SLC6A20: variants seen among roughly 807,000 people sequenced by gnomAD.
SLC6A20 encodes sodium- and chloride-dependent transporter XTRP3.
In SLC6A20, 73 loss-of-function variants were observed where a neutral mutation model predicts 64.3. The ratio of observed to expected loss-of-function variants is 1.14; its 90% CI spans 0.94 to 1.38. SLC6A20 has a LOEUF of 1.38. Among genes scored for constraint, SLC6A20 ranks in the 40% most tolerant of loss-of-function variants. SLC6A20 has a pLI of 0.00. For missense variants in SLC6A20, 725 were observed against 772.8 expected, an observed-to-expected ratio of 0.94 and a Z score of 0.73; for synonymous variants, 347 against 329.6, an observed-to-expected ratio of 1.05 and a Z score of -0.57.
intron 4 of SLC6A20, 93 bp downstream of exon 4, chr3:45,775,668 G>T: frequency 1.6e-6 from 2 of 1,232,176 alleles, no homozygotes; most frequent in Non-Finnish European, 2.3e-6. Context: ...GCACTCCCTT[G>T]GCATTGCCTA....
In SLC6A20 at chr3:45,758,443, C is replaced by T. The variant is rs376427811; in HGVS notation, c.*535G>A. The T allele has an allele frequency of 5.5e-6, 7 of 1,270,684 alleles. No individual in the cohort carries two copies. Among genetic ancestry groups the T allele is most frequent in the East Asian group, 5.8e-5 (1 of 17,258 alleles). The allele number at this position is 1,270,684 out of a possible 1,614,324, so 78.7% of individuals were successfully genotyped here. ...AGACAAAGATCTTCTTTCTTTATAA[C>T]TTGTCATCCTAAGATTTAAAGGGTG... On this transcript the variant is annotated 3_prime_UTR_variant, in exon 11 of 11. Coordinates refer to ENST00000358525, the MANE Select transcript of SLC6A20 (RefSeq NM_020208.4).
chr3:45,785,830 G>T (rs910163585), intron 1 of SLC6A20, among the ~76,000 whole-genome samples: 11 of 152,204 alleles, frequency 7.2e-5, no homozygotes, highest in African/African-American at 2.7e-4. Flanking sequence ...TTGTCCAGTA[G>T]AATGTGGTGT....
chr3:45,776,418 A>G (rs545918108), intron 3 of SLC6A20, among the ~76,000 whole-genome samples: 3 of 152,198 alleles, frequency 2.0e-5, no homozygotes. Flanking sequence ...GAGAGTCCCT[A>G]TTTTTTGGCC....
In SLC6A20 at chr3:45,765,769, C is replaced by T; in HGVS notation, c.1099-28G>A. 1 of 1,612,832 alleles carries T rather than the reference C, an allele frequency of 6.2e-7. No individual in the cohort carries two copies. The highest frequency in any genetic ancestry group is 8.5e-7 in the Non-Finnish European group (1 of 1,179,056). On this transcript the variant is annotated intron_variant, in intron 7 of 10. Transcript: ENST00000358525. The surrounding 1 kb of genome is among the most constrained non-coding windows in gnomAD (Gnocchi z 4.2). ...GCCCAGGGTGAGAAGACACCAGTTA[C>T]ATGCAAGAGGGACTTATAGTCTTAT...
At chr3:45,774,196 G>A (rs1046704523) in intron 4 of SLC6A20, among the ~76,000 whole-genome samples, 2 of 152,214 alleles carry the variant, frequency 1.3e-5, no homozygotes, top group African/African-American at 4.8e-5. Context: ...TAGAGCTGTT[G>A]GGGTACTTTT....
intron 7 of SLC6A20, among the ~76,000 whole-genome samples, chr3:45,766,645 T>C (rs1699781591): frequency 6.6e-6 from 1 of 152,150 alleles, no homozygotes; most frequent in Admixed American, 6.5e-5. Flanking sequence ...TAAGGTTAAA[T>C]TGAGTTATAA....
Position 45,762,946 on chromosome 3 carries a change from G to C in SLC6A20, c.1430C>G (p.Thr477Arg). 1 of 1,614,074 alleles carries C rather than the reference G, an allele frequency of 6.2e-7. No individual in the cohort carries two copies. The highest frequency in any genetic ancestry group is 8.5e-7 in the Non-Finnish European group (1 of 1,180,032). Residue 477 changes from threonine to arginine, a missense_variant, in exon 9 of 11, where the codon ACG becomes AGG. Physicochemically the swap from Thr to Arg is moderately conservative, Grantham distance 71. Coordinates refer to ENST00000358525, the MANE Select transcript of SLC6A20 (RefSeq NM_020208.4). ...LSLLLIVLVE[T>R]IAVCYVYGLR... ...CCCGTACACGTAGCACACGGCAATC[G>C]TCTCCACCAGCACGATGAGCAGCAG...
chr3:45,796,446 C>G lies in SLC6A20; in HGVS notation c.-27G>C. ...GCCCCGGCCTCGGCGCGCTCGGCTC[C>G]GGCTCGGGGGTCCGGCACGGCAGTC... On this transcript the variant is annotated 5_prime_UTR_variant, in exon 1 of 11. Coordinates refer to ENST00000358525, the MANE Select transcript of SLC6A20 (RefSeq NM_020208.4). The G allele has an allele frequency of 6.2e-7, 1 of 1,602,418 alleles. No individual in the cohort carries two copies. Among genetic ancestry groups the G allele is most frequent in the Non-Finnish European group, 8.5e-7 (1 of 1,174,768 alleles).
At chr3:45,768,539 G>C (rs1283051487) in intron 7 of SLC6A20, among the ~76,000 whole-genome samples, 3 of 152,182 alleles carry the variant, frequency 2.0e-5, no homozygotes, top group Non-Finnish European at 4.4e-5. Flanking sequence ...TGAGGGCTGG[G>C]GTTTGTGGGC....
intron 5 of SLC6A20, 39 bp downstream of exon 5, chr3:45,772,466 T>G: frequency 6.4e-7 from 1 of 1,562,808 alleles, no homozygotes; most frequent in African/African-American, 1.4e-5. Flanking sequence ...GCAGGATAAG[T>G]GAGGGGTGCC....
intron 1 of SLC6A20, 100 bp downstream of exon 1, chr3:45,796,199 C>G (rs1700342644): frequency 1.3e-6 from 2 of 1,504,170 alleles, no homozygotes; most frequent in South Asian, 1.3e-5. Flanking sequence ...CTTTCCCGGC[C>G]TCAGTGTGCC....
chr3:45,760,995 G>A (rs1004176038), intron 9 of SLC6A20, among the ~76,000 whole-genome samples: 1 of 152,152 alleles, frequency 6.6e-6, no homozygotes, highest in Non-Finnish European at 1.5e-5. Context: ...TGGGTGTGAC[G>A]TCACCAGCTG....
rs1172766655 is a variant in SLC6A20 at position 45,771,410 on chromosome 3, T to C, written c.742A>G (p.Ile248Val). ...AAGCCCAGGCCAAGTGAGAAGAAGA[T>C]CTGGGTGGCTGCATTGATCCAGGCC... ...PKAWINAATQ[I>V]FFSLGLGFGS... Residue 248 changes from isoleucine to valine, a missense_variant, in exon 6 of 11, where the codon ATC (isoleucine) becomes GTC (valine). Coordinates refer to ENST00000358525, the MANE Select transcript of SLC6A20 (RefSeq NM_020208.4). 1.9e-6 allele frequency: 3 copies of C among 1,614,100 alleles called. No individual in the cohort carries two copies. Among genetic ancestry groups the C allele is most frequent in the Admixed American group, 3.3e-5 (2 of 60,008 alleles).
Position 45,770,319 on chromosome 3 carries a change from C to T in SLC6A20, c.988G>A (p.Ala330Thr). The T allele has an allele frequency of 6.2e-7, 1 of 1,614,182 alleles. No homozygotes were observed. The highest frequency in any genetic ancestry group is 8.5e-7 in the Non-Finnish European group (1 of 1,180,036). ...TFDLEDGFLT[A>T]SNLEQVKGYL... ...CCCTTCACCTGCTCCAGGTTGCTGG[C>T]TGTCAAAAAGCCATCTTCAAGGTCA... The change falls in exon 7 of 11, where the codon GCC becomes ACC. Residue 330 changes from alanine to threonine, a missense_variant. By Grantham distance (58) the Ala-to-Thr change is moderately conservative. Transcript: ENST00000358525.
chr3:45,771,119 C>A, intron 6 of SLC6A20, 98 bp downstream of exon 6: 1 of 1,545,034 alleles, frequency 6.5e-7, no homozygotes, highest in Non-Finnish European at 8.8e-7. Flanking sequence ...GGATTGAGGA[C>A]TCCAAAACTG....
At chr3:45,792,583 T>C (rs1352757561) in intron 1 of SLC6A20, among the ~76,000 whole-genome samples, 2 of 152,180 alleles carry the variant, frequency 1.3e-5, no homozygotes, top group Non-Finnish European at 2.9e-5. Flanking sequence ...TCACCCACTT[T>C]ACAGGTAAAC....
intron 2 of SLC6A20, among the ~76,000 whole-genome samples, chr3:45,781,608 C>T (rs947240335): frequency 2.0e-5 from 3 of 152,214 alleles, no homozygotes; most frequent in Admixed American, 6.5e-5. Context: ...ACCCCAGAGA[C>T]ATTAATGGCA....
chr3:45,769,040 AAG>A (rs1699817757), intron 7 of SLC6A20, among the ~76,000 whole-genome samples: 1 of 152,216 alleles, frequency 6.6e-6, no homozygotes, highest in Non-Finnish European at 1.5e-5. Context: ...GAGAATTAAT[AAG>A]AGAATTCATC....
intron 1 of SLC6A20, among the ~76,000 whole-genome samples, chr3:45,787,223 T>C (rs1700184629): frequency 6.6e-6 from 1 of 152,146 alleles, no homozygotes; most frequent in African/African-American, 2.4e-5. Flanking sequence ...CCTCTCTCCA[T>C]CCACTGCAGT....
Sources: gnomAD v4.1 joint callset for allele counts (sites outside exome capture counted in the v4.1 genomes callset) on GRCh38, gnomAD v4.1.1 for gene constraint, Gnocchi (gnomAD v3.1) non-coding constraint, MANE v1.5 for transcripts, NCBI Gene and HGNC (gene_info 2026-07-23, HGNC 2026-07-21) for gene names.